APPL2: variants seen among roughly 807,000 people sequenced by gnomAD.
The protein encoded by APPL2 is DCC-interacting protein 13-beta.
In APPL2, 84 loss-of-function variants were observed where a neutral mutation model predicts 92.7. The ratio of observed to expected loss-of-function variants is 0.91; its 90% CI spans 0.76 to 1.09. APPL2 has a LOEUF of 1.09. APPL2 is among the 50% of genes least tolerant of loss of function. The pLI, the probability that APPL2 is intolerant of heterozygous loss-of-function variation, is 0.00. For missense variants in APPL2, 736 were observed against 824.5 expected (o/e 0.89, Z 1.31); for synonymous variants, 291 against 291.0 (o/e 1.00, Z 0.00).
Position 105,190,020 on chromosome 12 carries a change from T to C in APPL2, c.1377A>G (p.Thr459=). Residue 459 remains threonine, a synonymous_variant, in exon 15 of 21, where the codon ACA becomes ACG. Coordinates refer to ENST00000258530, the MANE Select transcript of APPL2 (RefSeq NM_018171.5). The part of the protein sequence containing the change: ...PIQFDIVLPA[T]EFLDQNRGSR... Reference sequence around the variant, plus strand: ...TCCCTCTGTTCTGATCAAGGAATTCTGTAGCAGGAAGCACAATATCGAATT... The same window carrying C: ...TCCCTCTGTTCTGATCAAGGAATTCCGTAGCAGGAAGCACAATATCGAATT... The C allele has an allele frequency of 6.2e-7, 1 of 1,614,232 alleles. No individual in the cohort carries two copies. Among genetic ancestry groups the C allele is most frequent in the East Asian group, 2.2e-5 (1 of 44,882 alleles).
rs569761351 is a variant in APPL2 at position 105,234,152 on chromosome 12, C to G, written c.54+1807G>C. Among the ~76,000 whole-genome samples the G allele has an allele frequency of 9.2e-5, 14 of 152,296 alleles. No individual in the cohort carries two copies. In the East Asian group the frequency reaches 2.5e-3, roughly 27 times the overall value. The stretch of plus-strand genomic sequence containing the variant: ...TCAAAAGCAATGACAAATAAACTTC[C>G]TATATTAAAAGGAACATATTAAATA... On this transcript the variant is annotated intron_variant, in intron 1 of 20. Transcript: ENST00000258530.
chr12:105,200,311 T>C (rs1377603047), intron 9 of APPL2, among the ~76,000 whole-genome samples: 3 of 152,202 alleles, frequency 2.0e-5, no homozygotes, highest in African/African-American at 7.2e-5. Flanking sequence ...GCTCTTGGTT[T>C]AGGCAGGAGT....
chr12:105,231,001 T>C (rs1890881353), intron 1 of APPL2, among the ~76,000 whole-genome samples: 1 of 152,242 alleles, frequency 6.6e-6, no homozygotes, highest in Non-Finnish European at 1.5e-5. Flanking sequence ...CATCAGGACC[T>C]GAACAAAGGT....
chr12:105,177,871 A>G (rs1885708140), intron 17 of APPL2, among the ~76,000 whole-genome samples: 1 of 152,054 alleles, frequency 6.6e-6, no homozygotes, highest in African/African-American at 2.4e-5. Flanking sequence ...GCTCACTGCA[A>G]CCTCCACCTC....
intron 14 of APPL2, among the ~76,000 whole-genome samples, chr12:105,191,665 T>G (rs1887209886): frequency 6.6e-6 from 1 of 152,172 alleles, no homozygotes; most frequent in Non-Finnish European, 1.5e-5. Context: ...ATGTTAAGTT[T>G]CACCTGTACA....
At chr12:105,186,644 T>TTA (rs1566056140) in intron 17 of APPL2, among the ~76,000 whole-genome samples, 3 of 62,422 alleles carry the variant, frequency 4.8e-5, no homozygotes, top group Non-Finnish European at 1.2e-4. Context: ...ATCATATATA[T>TTA]GATATCGATA....
rs779500057 is a variant in APPL2, at chr12:105,188,295, T to A, written c.1612A>T (p.Met538Leu). ...TACCTCAAAGATTGACTGGTGACCA[T>A]CAGATGGGATTCTGTCATGCGGAAG... ...NIFRMTESHL[M>L]VTSQSLRLID... The change falls in exon 17 of 21, where the codon ATG (methionine) becomes TTG (leucine). Residue 538 changes from methionine to leucine, a missense_variant. Met to Leu is a conservative substitution (Grantham distance 15). Coordinates refer to ENST00000258530, the MANE Select transcript of APPL2 (RefSeq NM_018171.5). 6.2e-7 allele frequency: 1 copy of A among 1,614,140 alleles called. No homozygotes were observed. The highest frequency in any genetic ancestry group is 1.1e-5 in the South Asian group (1 of 91,076).
rs770271918 is a variant in APPL2, at chr12:105,177,014, A to T, written c.1674T>A (p.Phe558Leu). The T allele has an allele frequency of 6.2e-7, 1 of 1,613,998 alleles. No homozygotes were observed. Among genetic ancestry groups the T allele is most frequent in the Admixed American group, 1.7e-5 (1 of 59,978 alleles). ...DPQTQVSRAN[F>L]ELTSVTQFAA... ...CAAATTGTGTGACACTGGTAAGTTC[A>T]AACTGGGGGGTGGAAAAAAAGGCAA... Residue 558 changes from phenylalanine (F) to leucine (L), a missense_variant and splice_region_variant, in exon 19 of 21, where the codon TTT (phenylalanine) becomes TTA (leucine). By Grantham distance (22) the Phe-to-Leu change is conservative. Coordinates refer to ENST00000258530, the MANE Select transcript of APPL2 (RefSeq NM_018171.5).
rs1289032451 is a variant in APPL2, at chr12:105,176,875, C to T, written c.1812+1G>A. 6.2e-7 allele frequency: 1 copy of T among 1,613,444 alleles called. No homozygotes were observed. Among genetic ancestry groups the T allele is most frequent in the African/African-American group, 1.3e-5 (1 of 74,842 alleles). ...ATGGGATCTTCACATGAAAAAGAGA[C>T]CTTTTCGCCTTCTGAGTTGCTTTCA... On this transcript the variant is annotated splice_donor_variant, in intron 19 of 20. Coordinates refer to ENST00000258530, the MANE Select transcript of APPL2 (RefSeq NM_018171.5). LOFTEE classifies it high-confidence loss of function.
chr12:105,196,816 A>G (rs1056952045), intron 11 of APPL2, among the ~76,000 whole-genome samples: 3 of 152,168 alleles, frequency 2.0e-5, no homozygotes, highest in Non-Finnish European at 4.4e-5. Context: ...ATGGAGTAAC[A>G]TAGATCTTAT....
rs549253910 is a variant in APPL2 at position 105,183,626 on chromosome 12, G to GC, written c.1634+4646dup. 5.9e-5 allele frequency among the ~76,000 whole-genome samples: 9 copies of GC among 152,280 alleles called. No homozygotes were observed. In the South Asian group the frequency reaches 1.9e-3, roughly 32 times the overall value. On this transcript the variant is annotated intron_variant, in intron 17 of 20. Coordinates refer to ENST00000258530, the MANE Select transcript of APPL2 (RefSeq NM_018171.5). ...TTGTAGCGTTTCTGCAGAGAGATCC[G>GC]CCGTTAGTCTGATGGGTTTCCCTTT...
intron 2 of APPL2, among the ~76,000 whole-genome samples, chr12:105,226,093 C>T (rs867802910): frequency 1.6e-4 from 24 of 152,130 alleles, no homozygotes; most frequent in African/African-American, 5.3e-4. Flanking sequence ...GCAATGAAAC[C>T]AAGAAAACAT....
Position 105,188,358 on chromosome 12 carries a change from T to C in APPL2, c.1549A>G (p.Met517Val). The C allele has an allele frequency of 6.2e-7, 1 of 1,614,218 alleles. No homozygotes were observed. Among genetic ancestry groups the C allele is most frequent in the Non-Finnish European group, 8.5e-7 (1 of 1,180,024 alleles). ...GCCCGAGCAGCCAATACTTGTCTCA[T>C]CGCTTCATAAATCACTTCAGTAGTG... is the stretch of plus-strand genomic sequence containing the variant. ...DSTTEVIYEAMRQVLAARAIH... is the reference protein window; with the variant it reads ...DSTTEVIYEAVRQVLAARAIH... Residue 517 changes from methionine (M) to valine (V), a missense_variant, in exon 17 of 21, where the codon ATG becomes GTG. Transcript: ENST00000258530.
intron 3 of APPL2, 93 bp from the exon 4 acceptor site, chr12:105,217,233 C>T (rs1419877085): frequency 2.6e-6 from 2 of 767,316 alleles, no homozygotes; most frequent in East Asian, 2.6e-5. Context: ...TCCACACCGA[C>T]GTCCTTTCTT....
chr12:105,220,107 C>T (rs1415821127), intron 2 of APPL2, among the ~76,000 whole-genome samples: 1 of 152,204 alleles, frequency 6.6e-6, no homozygotes, highest in African/African-American at 2.4e-5. Context: ...GGATACACGG[C>T]TGATGAGTGG....
intron 14 of APPL2, among the ~76,000 whole-genome samples, chr12:105,194,940 T>C (rs73395802): frequency 0.13 from 19,347 of 152,176 alleles, 1,349 homozygotes; most frequent in East Asian, 0.25. Context: ...CCTTACTTTG[T>C]TGACACTGAT....
intron 4 of APPL2, among the ~76,000 whole-genome samples, chr12:105,215,856 T>TG (rs1297906715): frequency 6.6e-6 from 1 of 151,860 alleles, no homozygotes; most frequent in East Asian, 1.9e-4. Flanking sequence ...CTGGCCAAGA[T>TG]TTTTAGTAGG....
Position 105,174,886 on chromosome 12 carries a change from G to C in APPL2, c.1861-438C>G, listed in dbSNP as rs959492412. On this transcript the variant is annotated intron_variant, in intron 20 of 20. Transcript: ENST00000258530. ...GCTGCTTTTTTTTGGTGGGGGGGGGGGTGGTGCGGCGGTTGGAGACAGAGT... is the reference window on the plus strand; with the variant it reads ...GCTGCTTTTTTTTGGTGGGGGGGGGCGTGGTGCGGCGGTTGGAGACAGAGT... Among the ~76,000 whole-genome samples the C allele has an allele frequency of 4.3e-5, 6 of 140,726 alleles. No homozygotes were observed. In the South Asian group the frequency reaches 1.5e-3, roughly 35 times the overall value. 92.3% of individuals were successfully genotyped at this position (140,726 alleles called of 152,430 possible).
intron 2 of APPL2, among the ~76,000 whole-genome samples, chr12:105,225,849 C>T (rs1566098586): frequency 6.6e-6 from 1 of 152,252 alleles, no homozygotes; most frequent in Non-Finnish European, 1.5e-5. Context: ...CTTCCTCTTT[C>T]TAAAACTAAG....
Sources: allele counts gnomAD v4.1 joint callset (sites outside exome capture counted in the v4.1 genomes callset), GRCh38; gene constraint gnomAD v4.1.1; transcripts MANE v1.5; gene names NCBI Gene and HGNC (gene_info 2026-07-23, HGNC 2026-07-21).